Variants in SCHIP1 observed in about 807,000 individuals in gnomAD.
SCHIP1 encodes schwannomin interacting protein 1.
SCHIP1 carries 8 observed loss-of-function variants against 29.7 expected under a neutral mutation model. The ratio of observed to expected loss-of-function variants is 0.27; its 90% CI spans 0.16 to 0.49. The LOEUF is 0.49. Among genes scored for constraint, SCHIP1 ranks in the 20% least tolerant of loss-of-function variants. SCHIP1 has a pLI of 0.99. For synonymous variants in SCHIP1, 76 were observed against 94.9 expected (o/e 0.80, Z 1.16); for missense variants, 193 against 294.6 (o/e 0.66, Z 2.52).
the SCHIP1 span, among the ~76,000 whole-genome samples, chr3:159,788,589 A>G: frequency 2.6e-5 from 4 of 152,306 alleles, no homozygotes; most frequent in East Asian, 5.8e-4. Flanking sequence ...CTGATTTCCA[A>G]GAGCCCCCTC....
chr3:159,446,111 C>T, the SCHIP1 span, among the ~76,000 whole-genome samples: 15 of 152,118 alleles, frequency 9.9e-5, 1 homozygote, highest in African/African-American at 3.4e-4. Flanking sequence ...TCAACTTTTA[C>T]CCTTTAGGCC....
the SCHIP1 span, chr3:159,764,670 C>A: frequency 6.3e-7 from 1 of 1,592,010 alleles, no homozygotes; most frequent in Non-Finnish European, 8.6e-7. The surrounding 1 kb of genome is among the most constrained non-coding windows in gnomAD (Gnocchi z 6.1). Flanking sequence ...CGGAGGAGGA[C>A]GGGGAGGAGG....
chr3:159,840,857 G>A (rs747831224), intron 1 of SCHIP1, among the ~76,000 whole-genome samples: 8 of 152,140 alleles, frequency 5.3e-5, no homozygotes, highest in Non-Finnish European at 1.0e-4. Context: ...ATTTGCTACT[G>A]GAGTTATGAA....
chr3:159,543,132 T>G, the SCHIP1 span, among the ~76,000 whole-genome samples: 7 of 150,536 alleles, frequency 4.7e-5, no homozygotes, highest in South Asian at 2.1e-4. Context: ...TATATATATA[T>G]ATATAGATAT....
chr3:159,831,552 A>G, the SCHIP1 span, among the ~76,000 whole-genome samples: 5 of 152,226 alleles, frequency 3.3e-5, no homozygotes, highest in Non-Finnish European at 5.9e-5. Flanking sequence ...ATAAAATAGA[A>G]TAATTATAAC....
At chr3:159,527,412 C>G in the SCHIP1 span, among the ~76,000 whole-genome samples, 2 of 152,126 alleles carry the variant, frequency 1.3e-5, no homozygotes, top group Non-Finnish European at 2.9e-5. Context: ...TAAGAGGGAC[C>G]ACTGAAAGGA....
chr3:159,334,527 T>C, the SCHIP1 span, among the ~76,000 whole-genome samples: 8 of 152,168 alleles, frequency 5.3e-5, no homozygotes, highest in African/African-American at 1.4e-4. Context: ...ACAACAGGTA[T>C]ATAGAACAAT....
chr3:159,587,916 C>T, the SCHIP1 span, among the ~76,000 whole-genome samples: 1 of 152,140 alleles, frequency 6.6e-6, no homozygotes, highest in Non-Finnish European at 1.5e-5. Context: ...GTGAATAGTT[C>T]CACAATAAAC....
At chr3:159,581,760 CA>C in the SCHIP1 span, among the ~76,000 whole-genome samples, 1 of 152,166 alleles carries the variant, frequency 6.6e-6, no homozygotes, top group Non-Finnish European at 1.5e-5. Context: ...TTCAAATCTA[CA>C]GTAATCAGGA....
the SCHIP1 span, among the ~76,000 whole-genome samples, chr3:159,394,819 G>A: frequency 6.6e-6 from 1 of 152,066 alleles, no homozygotes; most frequent in Non-Finnish European, 1.5e-5. Context: ...TCAGAATGAT[G>A]CTGGCCTCAT....
chr3:159,508,745 A>C, the SCHIP1 span, among the ~76,000 whole-genome samples: 39 of 151,892 alleles, frequency 2.6e-4, no homozygotes, highest in Admixed American at 1.3e-3. Context: ...CATTCAGGAG[A>C]AGATTGTTCA....
chr3:159,764,429 C>T, the SCHIP1 span: 4 of 1,572,212 alleles, frequency 2.5e-6, no homozygotes, highest in East Asian at 2.3e-5. The surrounding 1 kb of genome is among the most constrained non-coding windows in gnomAD (Gnocchi z 6.1). Flanking sequence ...TCACTCTCTA[C>T]CTCCTCCCCC....
the SCHIP1 span, among the ~76,000 whole-genome samples, chr3:159,546,757 C>A: frequency 1.3e-5 from 2 of 152,078 alleles, no homozygotes; most frequent in African/African-American, 4.8e-5. Flanking sequence ...TGAACTCATT[C>A]TTTTTTTGGC....
the SCHIP1 span, among the ~76,000 whole-genome samples, chr3:159,315,520 T>C: frequency 3.3e-5 from 5 of 151,600 alleles, no homozygotes; most frequent in Non-Finnish European, 7.4e-5. Context: ...CTTGTATAAG[T>C]ATAGTAGTAT....
chr3:159,594,794 G>C, the SCHIP1 span, among the ~76,000 whole-genome samples: 3 of 152,142 alleles, frequency 2.0e-5, no homozygotes, highest in African/African-American at 7.2e-5. Context: ...AAATTGTTCA[G>C]TCTGCTAAGT....
the SCHIP1 span, among the ~76,000 whole-genome samples, chr3:159,829,818 T>C: frequency 6.6e-6 from 1 of 152,128 alleles, no homozygotes; most frequent in Non-Finnish European, 1.5e-5. Flanking sequence ...TTTGGCACAG[T>C]CTCTCATCAA....
At chr3:159,853,681 T>G (rs1484743051) in intron 1 of SCHIP1, among the ~76,000 whole-genome samples, 2 of 152,208 alleles carry the variant, frequency 1.3e-5, no homozygotes, top group Admixed American at 6.5e-5. Context: ...AAAACACACA[T>G]GTTGTTATTC....
chr3:159,627,080 C>A, the SCHIP1 span, among the ~76,000 whole-genome samples: 1 of 152,236 alleles, frequency 6.6e-6, no homozygotes, highest in Non-Finnish European at 1.5e-5. Context: ...CTCCCTGTGT[C>A]CATGTGTTCT....
At chr3:159,790,965 C>T in the SCHIP1 span, among the ~76,000 whole-genome samples, 1 of 152,114 alleles carries the variant, frequency 6.6e-6, no homozygotes, top group African/African-American at 2.4e-5. Context: ...TGCAATTATC[C>T]TCAGCATGGA....
Sources: allele counts gnomAD v4.1 joint callset (sites outside exome capture counted in the v4.1 genomes callset), GRCh38; gene constraint gnomAD v4.1.1; non-coding constraint Gnocchi (gnomAD v3.1); transcripts MANE v1.5; gene names NCBI Gene and HGNC (gene_info 2026-07-23, HGNC 2026-07-21).